Variants in HPSE2 observed in about 807,000 individuals in gnomAD.
HPSE2 encodes the protein heparanase 2 (inactive).
Under a neutral mutation model 60.5 loss-of-function variants are expected in HPSE2, and 38 were observed. The observed-to-expected ratio is 0.63, with a 90% CI of 0.48 to 0.82. The LOEUF (loss-of-function observed/expected upper bound fraction) is 0.82, where lower values mean the gene tolerates loss of function less well. Ranked by LOEUF, HPSE2 falls within the 40% of genes least tolerant of loss-of-function variation. The pLI is 0.00. For synonymous variants in HPSE2, 295 were observed against 293.2 expected, an observed-to-expected ratio of 1.01 and a Z score of -0.06; for missense variants, 713 against 740.4, an observed-to-expected ratio of 0.96 and a Z score of 0.43.
chr10:98,662,929 GA>G (rs1565059449), intron 6 of HPSE2, among the ~76,000 whole-genome samples: 1 of 152,106 alleles, frequency 6.6e-6, no homozygotes, highest in Non-Finnish European at 1.5e-5. Context: ...AATAAATTTA[GA>G]AAGATTTAAA....
In HPSE2 at chr10:98,459,495, G is replaced by A; in HGVS notation, c.*79C>T. On this transcript the variant is annotated 3_prime_UTR_variant, in exon 12 of 12. Coordinates refer to ENST00000370552, the MANE Select transcript of HPSE2 (RefSeq NM_021828.5). ...GCAGGGGCTGGTTGCTAGGATGTCTGAAAACAGAGGATACTACTGGAGTGG... is the reference window on the plus strand; with the variant it reads ...GCAGGGGCTGGTTGCTAGGATGTCTAAAAACAGAGGATACTACTGGAGTGG... 2.7e-6 allele frequency: 4 copies of A among 1,490,574 alleles called. No individual in the cohort carries two copies. Among genetic ancestry groups the A allele is most frequent in the Non-Finnish European group, 2.8e-6 (3 of 1,068,558 alleles). 92.3% of individuals were successfully genotyped at this position (1,490,574 alleles called of 1,614,324 possible). A position where few individuals can be genotyped will look rare whatever the true frequency, so the allele number is the denominator to read the frequency against.
intron 5 of HPSE2, among the ~76,000 whole-genome samples, chr10:98,711,426 A>G (rs577328727): frequency 6.6e-6 from 1 of 152,278 alleles, no homozygotes; most frequent in Admixed American, 6.5e-5. Context: ...TGTATGCTAG[A>G]CTATTTAGCT....
intron 4 of HPSE2, among the ~76,000 whole-genome samples, 199 bp downstream of exon 4, chr10:98,743,684 G>A (rs547339503): frequency 7.9e-6 from 1 of 126,816 alleles, no homozygotes; most frequent in South Asian, 2.9e-4. Context: ...AACTATAGAT[G>A]CAAATGGTGT....
rs1940146925 is a variant in HPSE2, at chr10:98,458,618, CA to C, written c.*955del. The C allele has an allele frequency of 6.6e-6, 1 of 152,172 alleles. No homozygotes were observed. Among genetic ancestry groups the C allele is most frequent in the African/African-American group, 2.4e-5 (1 of 41,434 alleles). 9.4% of individuals were successfully genotyped at this position (152,172 alleles called of 1,614,324 possible). ...AAAATAATGATTTGAGTTAACCAAACAATTAAGGGCTTACCCTATAGAGCCC... is the reference window on the plus strand; with the variant it reads ...AAAATAATGATTTGAGTTAACCAAACATTAAGGGCTTACCCTATAGAGCCC... On this transcript the variant is annotated 3_prime_UTR_variant, in exon 12 of 12. Transcript: ENST00000370552.
At chr10:98,901,257 A>G (rs994214721) in intron 3 of HPSE2, among the ~76,000 whole-genome samples, 3 of 152,198 alleles carry the variant, frequency 2.0e-5, no homozygotes, top group African/African-American at 7.2e-5. Context: ...GAGCTTGCTG[A>G]AATACCTTAT....
chr10:99,197,011 A>C (rs2133874573), intron 2 of HPSE2, among the ~76,000 whole-genome samples: 1 of 152,354 alleles, frequency 6.6e-6, no homozygotes, highest in African/African-American at 2.4e-5. Context: ...AAAATGTGGT[A>C]TATATACACA....
chr10:99,226,241 T>C (rs1256045152), intron 2 of HPSE2, among the ~76,000 whole-genome samples: 1 of 152,018 alleles, frequency 6.6e-6, no homozygotes, highest in Non-Finnish European at 1.5e-5. Context: ...AACTCCCACC[T>C]AAGTCTCACC....
intron 3 of HPSE2, among the ~76,000 whole-genome samples, chr10:99,068,172 G>A (rs529204639): frequency 3.6e-4 from 55 of 152,188 alleles, no homozygotes; most frequent in African/African-American, 1.3e-3. Flanking sequence ...AAACTTGCCC[G>A]CATCTTCCTG....
chr10:98,725,541 A>G (rs1478849962), intron 4 of HPSE2, among the ~76,000 whole-genome samples: 1 of 152,230 alleles, frequency 6.6e-6, no homozygotes, highest in Non-Finnish European at 1.5e-5. Flanking sequence ...AAACCCTAGA[A>G]GAAAACCTAG....
the HPSE2 span, among the ~76,000 whole-genome samples, chr10:99,300,539 T>C: frequency 1.3e-5 from 2 of 152,168 alleles, no homozygotes; most frequent in Non-Finnish European, 2.9e-5. Flanking sequence ...GGGTACCATG[T>C]TTTCCCACAG....
intron 3 of HPSE2, among the ~76,000 whole-genome samples, chr10:99,058,426 C>A (rs1050759052): frequency 6.6e-6 from 1 of 152,190 alleles, no homozygotes; most frequent in Non-Finnish European, 1.5e-5. Context: ...AGTCTCACCC[C>A]TAAACGTTTC....
At chr10:98,967,160 A>C (rs1054927137) in intron 3 of HPSE2, among the ~76,000 whole-genome samples, 1 of 152,220 alleles carries the variant, frequency 6.6e-6, no homozygotes, top group African/African-American at 2.4e-5. Context: ...ACTTAAGCTC[A>C]AAAAGCTGAT....
intron 3 of HPSE2, among the ~76,000 whole-genome samples, chr10:98,766,783 G>T (rs756499944): frequency 1.3e-5 from 2 of 151,980 alleles, no homozygotes; most frequent in Non-Finnish European, 2.9e-5. Context: ...AAATTAGCTG[G>T]GCATGGTGGT....
chr10:98,985,902 T>C (rs558726084), intron 3 of HPSE2, among the ~76,000 whole-genome samples: 16 of 152,268 alleles, frequency 1.1e-4, no homozygotes, highest in African/African-American at 3.6e-4. Flanking sequence ...AGAAGGCCAT[T>C]ACATAATGGT....
chr10:99,086,090 A>T (rs1212793948), intron 3 of HPSE2, among the ~76,000 whole-genome samples: 1 of 152,120 alleles, frequency 6.6e-6, no homozygotes, highest in Non-Finnish European at 1.5e-5. Flanking sequence ...TCTCTTCCAG[A>T]ATTTTGTTTA....
chr10:98,816,792 C>T (rs754066211), intron 3 of HPSE2, among the ~76,000 whole-genome samples: 15 of 152,176 alleles, frequency 9.9e-5, no homozygotes, highest in Non-Finnish European at 1.8e-4. Flanking sequence ...TCAGGGCTGT[C>T]CTGAGGTAGT....
the HPSE2 span, among the ~76,000 whole-genome samples, chr10:99,278,090 CAAAAA>C: frequency 9.0e-4 from 107 of 118,268 alleles, no homozygotes; most frequent in Middle Eastern, 4.0e-3. Flanking sequence ...GACTCCCTCT[CAAAAA>C]AAAAAAAAAA....
intron 4 of HPSE2, among the ~76,000 whole-genome samples, chr10:98,722,203 T>A (rs1188127653): frequency 6.7e-6 from 1 of 148,564 alleles, no homozygotes. Flanking sequence ...TAATTAGTTA[T>A]GATAAGGTCA....
At chr10:98,979,723 G>T (rs1215451606) in intron 3 of HPSE2, among the ~76,000 whole-genome samples, 1 of 152,106 alleles carries the variant, frequency 6.6e-6, no homozygotes, top group Non-Finnish European at 1.5e-5. Context: ...TTATAGTACA[G>T]AACTACTACA....
Sources: gnomAD v4.1 joint callset for allele counts (sites outside exome capture counted in the v4.1 genomes callset) on GRCh38, gnomAD v4.1.1 for gene constraint, MANE v1.5 for transcripts, NCBI Gene and HGNC (gene_info 2026-07-23, HGNC 2026-07-21) for gene names.